Variants in GPC5 observed in about 807,000 individuals in gnomAD.
GPC5 encodes glypican 5.
GPC5 carries 47 observed loss-of-function variants against 53.9 expected under a neutral mutation model. That is an observed-to-expected ratio of 0.87 (90% CI 0.69 to 1.11). GPC5 has a LOEUF of 1.11. GPC5 is among the 50% of genes most tolerant of loss of function. The pLI, the probability that GPC5 is intolerant of heterozygous loss-of-function variation, is 0.00. For missense variants in GPC5, 748 were observed against 713.1 expected (o/e 1.05, Z -0.56); for synonymous variants, 286 against 263.3 (o/e 1.09, Z -0.84).
At chr13:92,293,985 A>T (rs2043016274) in intron 7 of GPC5, among the ~76,000 whole-genome samples, 1 of 152,122 alleles carries the variant, frequency 6.6e-6, no homozygotes, top group African/African-American at 2.4e-5. Flanking sequence ...TTTATGTGGT[A>T]TATCACATTT....
chr13:91,728,808 C>T, intron 4 of GPC5, 143 bp downstream of exon 4: 2 of 879,274 alleles, frequency 2.3e-6, no homozygotes. Flanking sequence ...CTTTAAAAAT[C>T]AGTGGCTGCA....
chr13:91,894,042 G>A (rs1476570857), intron 5 of GPC5, among the ~76,000 whole-genome samples: 1 of 151,010 alleles, frequency 6.6e-6, no homozygotes, highest in Admixed American at 6.6e-5. Context: ...TCAAGATTTT[G>A]TCCTTTTTGA....
chr13:92,431,063 C>A (rs1877061823), intron 7 of GPC5, among the ~76,000 whole-genome samples: 2 of 152,064 alleles, frequency 1.3e-5, no homozygotes, highest in Admixed American at 1.3e-4. Context: ...TATTCTCTTT[C>A]CCAAACCAAT....
intron 7 of GPC5, among the ~76,000 whole-genome samples, chr13:92,846,157 C>T (rs748349228): frequency 2.6e-5 from 4 of 152,182 alleles, no homozygotes; most frequent in Admixed American, 6.5e-5. Context: ...TCTTTCTTCA[C>T]GTGGCAACAG....
chr13:91,959,756 TATC>T (rs1157237482), intron 6 of GPC5, among the ~76,000 whole-genome samples: 2 of 152,020 alleles, frequency 1.3e-5, no homozygotes, highest in Non-Finnish European at 2.9e-5. Flanking sequence ...TATCGTAAGA[TATC>T]ATGATTGAGT....
rs1181276791 is a variant in GPC5 at position 92,089,683 on chromosome 13, C to T, written c.1402-55147C>T. Among the ~76,000 whole-genome samples the T allele has an allele frequency of 2.6e-5, 4 of 152,020 alleles. No individual in the cohort carries two copies. The East Asian group carries it at 7.7e-4, about 29-fold the overall frequency. On this transcript the variant is annotated intron_variant, in intron 6 of 7. Transcript: ENST00000377067. Reference sequence around the variant, plus strand: ...CAAACTATTTGACGTTCAATTTAATCATTTTTTCAGGAACCTAAATATTAT... The same window carrying T: ...CAAACTATTTGACGTTCAATTTAATTATTTTTTCAGGAACCTAAATATTAT...
chr13:91,853,168 G>A (rs1041425265), intron 5 of GPC5, among the ~76,000 whole-genome samples: 1 of 152,012 alleles, frequency 6.6e-6, no homozygotes, highest in Non-Finnish European at 1.5e-5. Flanking sequence ...GAAATAGTAA[G>A]TTGATATTAA....
intron 7 of GPC5, among the ~76,000 whole-genome samples, chr13:92,312,928 C>T (rs535591713): frequency 2.0e-5 from 3 of 152,034 alleles, no homozygotes; most frequent in South Asian, 2.1e-4. Context: ...ATTTCAATAC[C>T]ACTAATTAAT....
At chr13:91,424,376 T>C (rs1210213568) in intron 1 of GPC5, among the ~76,000 whole-genome samples, 1 of 149,838 alleles carries the variant, frequency 6.7e-6, no homozygotes, top group Non-Finnish European at 1.5e-5. Context: ...TTTTTTTTTT[T>C]TTTTTGAGAT....
chr13:91,799,142 T>C (rs1322632999), intron 5 of GPC5, among the ~76,000 whole-genome samples: 1 of 152,222 alleles, frequency 6.6e-6, no homozygotes, highest in Non-Finnish European at 1.5e-5. Flanking sequence ...CATGGAATAT[T>C]ATGCAGCCAT....
intron 4 of GPC5, among the ~76,000 whole-genome samples, chr13:91,738,241 C>G (rs2036855593): frequency 6.6e-6 from 1 of 151,318 alleles, no homozygotes; most frequent in African/African-American, 2.5e-5. Context: ...GTTTTCAGAG[C>G]CTTTCCTGTG....
intron 7 of GPC5, among the ~76,000 whole-genome samples, chr13:92,302,918 C>G (rs370990277): frequency 1.7e-4 from 26 of 152,274 alleles, no homozygotes; most frequent in African/African-American, 4.6e-4. Context: ...GAAGGCTGAA[C>G]CTTTTTACTG....
intron 3 of GPC5, among the ~76,000 whole-genome samples, chr13:91,709,831 A>G (rs2036188205): frequency 6.6e-6 from 1 of 152,238 alleles, no homozygotes; most frequent in African/African-American, 2.4e-5. Flanking sequence ...TCTGGCCTTT[A>G]TCATGCATTG....
At chr13:92,164,468 C>T (rs933670184) in intron 7 of GPC5, among the ~76,000 whole-genome samples, 2 of 152,196 alleles carry the variant, frequency 1.3e-5, no homozygotes, top group South Asian at 4.1e-4. Flanking sequence ...CCAAAATGTT[C>T]TCCTTTGACT....
chr13:92,398,572 T>G (rs1263431747), intron 7 of GPC5, among the ~76,000 whole-genome samples: 2 of 152,182 alleles, frequency 1.3e-5, no homozygotes, highest in Non-Finnish European at 2.9e-5. Flanking sequence ...TATTCTTTGT[T>G]TATCACAGCT....
chr13:92,400,118 TAGG>T (rs1169829190), intron 7 of GPC5, among the ~76,000 whole-genome samples: 7 of 152,080 alleles, frequency 4.6e-5, no homozygotes, highest in Non-Finnish European at 8.8e-5. Flanking sequence ...AGGACTGGAG[TAGG>T]AGAATTGGTG....
At chr13:92,441,573 A>G (rs1021793168) in intron 7 of GPC5, among the ~76,000 whole-genome samples, 4 of 152,180 alleles carry the variant, frequency 2.6e-5, no homozygotes, top group African/African-American at 9.7e-5. Flanking sequence ...CAAGAGTGCA[A>G]TCCCAGTTAC....
intron 7 of GPC5, among the ~76,000 whole-genome samples, chr13:92,337,344 A>G (rs903332270): frequency 6.6e-6 from 1 of 152,178 alleles, no homozygotes; most frequent in Non-Finnish European, 1.5e-5. Flanking sequence ...AGGAAGACTC[A>G]ATAGTGTGAA....
At chr13:91,652,079 C>T (rs752364839) in intron 2 of GPC5, among the ~76,000 whole-genome samples, 1 of 152,190 alleles carries the variant, frequency 6.6e-6, no homozygotes, top group East Asian at 1.9e-4. Flanking sequence ...TATTGTCTCT[C>T]CTTATCTGCA....
Sources: allele counts gnomAD v4.1 joint callset (sites outside exome capture counted in the v4.1 genomes callset), GRCh38; gene constraint gnomAD v4.1.1; transcripts MANE v1.5; gene names NCBI Gene and HGNC (gene_info 2026-07-23, HGNC 2026-07-21).